The following KIAA0319 variants were observed in gnomAD, a reference collection of about 807,000 sequenced individuals.
KIAA0319 encodes KIAA0319, also known as dyslexia-associated protein KIAA0319.
A neutral mutation model predicts 108.4 loss-of-function variants in KIAA0319; 83 were observed. The observed-to-expected ratio is 0.77, with a 90% confidence interval of 0.64 to 0.92. KIAA0319 has a LOEUF of 0.92. KIAA0319 is among the 40% of genes least tolerant of loss of function. The pLI is 0.00. For missense variants in KIAA0319, 1,195 were observed against 1,322.4 expected (o/e 0.90, Z 1.49); for synonymous variants, 484 against 510.4 (o/e 0.95, Z 0.70).
At position 24,596,284 on chromosome 6, in the gene KIAA0319, C is replaced by G; in HGVS notation, c.390G>C (p.Trp130Cys). Reference sequence around the variant, plus strand: ...TTCTGATATCCTCAGGTGAGTCCCCCCAGATCCCCGAGGGGGAGCCCCTGT... The same window carrying G: ...TTCTGATATCCTCAGGTGAGTCCCCGCAGATCCCCGAGGGGGAGCCCCTGT... ...MLNRGSPSGI[W>C]GDSPEDIRKD... The change falls in exon 3 of 21, where the codon TGG becomes TGC. Residue 130 changes from tryptophan (W) to cysteine (C), a missense_variant. Coordinates refer to ENST00000378214, the MANE Select transcript of KIAA0319 (RefSeq NM_014809.4). 2 of 1,614,168 alleles carry G rather than the reference C, an allele frequency of 1.2e-6. No homozygotes were observed. The highest frequency in any genetic ancestry group is 1.7e-6 in the Non-Finnish European group (2 of 1,179,988).
intron 3 of KIAA0319, 77 bp from the exon 4 acceptor site, chr6:24,588,862 A>G (rs1767987641): frequency 1.7e-6 from 2 of 1,187,776 alleles, no homozygotes; most frequent in African/African-American, 3.1e-5. Flanking sequence ...AATGTTACCA[A>G]CCTTTTTCAT....
chr6:24,581,961 T>C (rs920113502), intron 6 of KIAA0319, among the ~76,000 whole-genome samples: 3 of 152,154 alleles, frequency 2.0e-5, no homozygotes, highest in Non-Finnish European at 4.4e-5. Flanking sequence ...CTGGCCAACA[T>C]GGCGAAACCC....
intron 16 of KIAA0319, among the ~76,000 whole-genome samples, chr6:24,562,632 G>A (rs1014098348): frequency 1.3e-5 from 2 of 152,136 alleles, no homozygotes; most frequent in African/African-American, 2.4e-5. Context: ...TTGAGGTCAG[G>A]AGTTTGAGAC....
At chr6:24,623,964 A>G (rs1380452895) in intron 1 of KIAA0319, among the ~76,000 whole-genome samples, 1 of 151,484 alleles carries the variant, frequency 6.6e-6, no homozygotes, top group Non-Finnish European at 1.5e-5. Flanking sequence ...AATATATACA[A>G]TATAATACAT....
chr6:24,600,626 C>T (rs565463714), intron 2 of KIAA0319: 17 of 1,522,292 alleles, frequency 1.1e-5, no homozygotes, highest in Admixed American at 9.8e-5. Context: ...CACATGGGCT[C>T]GGCCAGCCCA....
chr6:24,580,534 CTGACCGATGGGCATACATTT>C (rs910915368), intron 7 of KIAA0319, among the ~76,000 whole-genome samples: 1 of 152,188 alleles, frequency 6.6e-6, no homozygotes, highest in Non-Finnish European at 1.5e-5. Flanking sequence ...CATGAATGCA[CTGACCGATGGGCATACATTT>C]TCCCCTGACC....
chr6:24,588,863 C>A, intron 3 of KIAA0319, 78 bp from the exon 4 acceptor site: 2 of 1,178,976 alleles, frequency 1.7e-6, no homozygotes, highest in Non-Finnish European at 2.4e-6. Context: ...ATGTTACCAA[C>A]CTTTTTCATA....
intron 10 of KIAA0319, among the ~76,000 whole-genome samples, chr6:24,575,650 T>C (rs1219638137): frequency 1.3e-5 from 2 of 152,130 alleles, no homozygotes; most frequent in Non-Finnish European, 2.9e-5. Context: ...CCATGGAATG[T>C]CCGATTTTAT....
At chr6:24,565,263 A>T (rs1561944078) in intron 14 of KIAA0319, among the ~76,000 whole-genome samples, 1 of 151,782 alleles carries the variant, frequency 6.6e-6, no homozygotes. Context: ...AAAAAAAAAA[A>T]GTATAAAGCA....
At chr6:24,629,384 A>G (rs9393568) in intron 1 of KIAA0319, among the ~76,000 whole-genome samples, 106,846 of 150,908 alleles carry the variant, frequency 0.71, 38,533 homozygotes, top group East Asian at 0.87. Flanking sequence ...GTGCGGTGGC[A>G]GGCGCCTGCA....
At position 24,580,410 on chromosome 6, in the gene KIAA0319, G is replaced by A. The variant is rs537870879; in HGVS notation, c.1280-460C>T. ...AAGGGAGGTTCACCTTGATTGGGTC[G>A]GTTGTGCCCTCAGCACAGGTGAGGG... On this transcript the variant is annotated intron_variant, in intron 7 of 20. Transcript: ENST00000378214. Among the ~76,000 whole-genome samples the A allele has an allele frequency of 1.8e-4, 27 of 151,380 alleles. 1 individual carries two copies. The highest frequency in any genetic ancestry group is 1.5e-3 in the Admixed American group (23 of 15,130).
Position 24,576,020 on chromosome 6 carries a change from C to T in KIAA0319, c.1734+348G>A, listed in dbSNP as rs2817199. Among the ~76,000 whole-genome samples, 1,231 of 151,894 alleles carry T rather than the reference C, an allele frequency of 8.1e-3. 16 individuals carry two copies. The highest frequency in any genetic ancestry group is 0.028 in the African/African-American group (1,163 of 41,478). Reference sequence around the variant, plus strand: ...TCTATAAACAGGAGAAACAGAATAACAAAAAAAATTCTGATAATCAGGTTT... The same window carrying T: ...TCTATAAACAGGAGAAACAGAATAATAAAAAAAATTCTGATAATCAGGTTT... On this transcript the variant is annotated intron_variant, in intron 10 of 20. Transcript: ENST00000378214.
intron 2 of KIAA0319, among the ~76,000 whole-genome samples, chr6:24,597,389 T>G (rs1178151474): frequency 6.6e-6 from 1 of 152,210 alleles, no homozygotes; most frequent in Non-Finnish European, 1.5e-5. Flanking sequence ...GTTTTCAGTG[T>G]GGCTGGAGGT....
intron 1 of KIAA0319, among the ~76,000 whole-genome samples, chr6:24,632,824 C>T (rs1295596065): frequency 6.6e-6 from 1 of 152,180 alleles, no homozygotes; most frequent in African/African-American, 2.4e-5. Flanking sequence ...CAGAGGATTA[C>T]TGATAAATAT....
intron 16 of KIAA0319, among the ~76,000 whole-genome samples, chr6:24,559,863 C>T (rs1343281842): frequency 6.6e-6 from 1 of 152,134 alleles, no homozygotes; most frequent in African/African-American, 2.4e-5. Context: ...CTCATTAGCA[C>T]CTCCTCCCCA....
At chr6:24,577,189 G>A (rs1280667766) in intron 9 of KIAA0319, among the ~76,000 whole-genome samples, 1 of 152,102 alleles carries the variant, frequency 6.6e-6, no homozygotes, top group Non-Finnish European at 1.5e-5. Flanking sequence ...GAGATGCTGG[G>A]TGAAGAAACC....
intron 11 of KIAA0319, among the ~76,000 whole-genome samples, 173 bp from the exon 12 acceptor site, chr6:24,570,208 G>A (rs1554150399): frequency 6.6e-6 from 1 of 152,248 alleles, no homozygotes; most frequent in Non-Finnish European, 1.5e-5. Context: ...TGATCCAGGA[G>A]TTGAACAGTC....
chr6:24,572,297 A>G (rs1764833176), intron 11 of KIAA0319, among the ~76,000 whole-genome samples: 1 of 152,182 alleles, frequency 6.6e-6, no homozygotes, highest in Admixed American at 6.5e-5. Flanking sequence ...CCCCTTCAAG[A>G]TCCCCTGGAG....
chr6:24,565,166 T>C (rs375488135), intron 14 of KIAA0319, among the ~76,000 whole-genome samples: 1 of 151,732 alleles, frequency 6.6e-6, no homozygotes, highest in Non-Finnish European at 1.5e-5. Context: ...GGCAGGAGAA[T>C]GGCTTGAACC....
Sources: gnomAD v4.1 joint callset for allele counts (sites outside exome capture counted in the v4.1 genomes callset) on GRCh38, gnomAD v4.1.1 for gene constraint, MANE v1.5 for transcripts, NCBI Gene and HGNC (gene_info 2026-07-23, HGNC 2026-07-21) for gene names.